Variants in SPTLC1 observed in about 807,000 individuals in gnomAD.
SPTLC1 encodes serine palmitoyltransferase long chain base subunit 1.
SPTLC1 carries 55 observed loss-of-function variants against 68.9 expected under a neutral mutation model. The ratio of observed to expected loss-of-function variants is 0.80; its 90% CI spans 0.64 to 1.00. The LOEUF is 1.00. Among genes scored for constraint, SPTLC1 ranks in the 50% least tolerant of loss-of-function variants. SPTLC1 has a pLI of 0.00. For synonymous variants in SPTLC1, 197 were observed against 201.6 expected (o/e 0.98, Z 0.19); for missense variants, 449 against 573.1 (o/e 0.78, Z 2.21).
chr9:92,047,724 G>T lies in SPTLC1; in HGVS notation c.889-16C>A. 7.0e-6 allele frequency: 11 copies of T among 1,573,444 alleles called. No individual in the cohort carries two copies. Among genetic ancestry groups the T allele is most frequent in the Non-Finnish European group, 9.6e-6 (11 of 1,144,258 alleles). On this transcript the variant is annotated splice_polypyrimidine_tract_variant and intron_variant, in intron 9 of 14. Transcript: ENST00000262554. ...TATCATCAATCTGCCGGAAAAGGAG[G>T]AGTGACAGTTATTCCACAGTTTAAA...
intron 7 of SPTLC1, among the ~76,000 whole-genome samples, chr9:92,056,883 G>A (rs1833910704): frequency 2.6e-5 from 4 of 152,156 alleles, no homozygotes; most frequent in Admixed American, 2.6e-4. Flanking sequence ...GAAAGCTGGG[G>A]AGCTAGCAAT....
chr9:92,046,080 T>A, intron 11 of SPTLC1, 27 bp from the exon 12 acceptor site: 1 of 1,594,304 alleles, frequency 6.3e-7, no homozygotes, highest in Non-Finnish European at 8.6e-7. Context: ...CGTTTGAGAG[T>A]CTATTTGAAA....
chr9:92,080,056 G>A lies in SPTLC1; in HGVS notation c.387C>T (p.Gly129=), dbSNP rs141265918. Residue 129 remains glycine (G), a synonymous_variant, in exon 5 of 15, where the codon GGC becomes GGT. Transcript: ENST00000262554. ...ATCCTCTGGGTCCACAAGTCCCCAC[G>A]CCATACTTCTTTAGAGATGCTAAAG... ...AAALASLKKY[G]VGTCGPRGFY... is the part of the protein sequence containing the mutation. The A allele has an allele frequency of 6.2e-4, 998 of 1,613,916 alleles. 7 individuals are homozygous for A. The South Asian group carries it at 8.0e-3, about 13-fold the overall frequency.
Position 92,047,712 on chromosome 9 carries a change from C to T in SPTLC1, c.889-4G>A. 4.4e-6 allele frequency: 7 copies of T among 1,603,210 alleles called. No homozygotes were observed. Among genetic ancestry groups the T allele is most frequent in the Non-Finnish European group, 6.0e-6 (7 of 1,171,292 alleles). ...TGATAAGATCAATATCATCAATCTG[C>T]CGGAAAAGGAGGAGTGACAGTTATT... On this transcript the variant is annotated splice_polypyrimidine_tract_variant and splice_region_variant and intron_variant, in intron 9 of 14. Transcript: ENST00000262554.
At chr9:92,094,797 C>G (rs1835474122) in intron 3 of SPTLC1, among the ~76,000 whole-genome samples, 1 of 152,178 alleles carries the variant, frequency 6.6e-6, no homozygotes, top group African/African-American at 2.4e-5. Context: ...CAGGTCTGGC[C>G]ATTTCTCCGG....
intron 8 of SPTLC1, chr9:92,051,325 T>A (rs953775390): frequency 1.1e-6 from 1 of 917,132 alleles, no homozygotes; most frequent in Non-Finnish European, 1.3e-6. Context: ...CATGGAAAAA[T>A]CAAATATGTA....
Position 92,105,317 on chromosome 9 carries a change from G to A in SPTLC1, c.260+3423C>T, listed in dbSNP as rs1302252618. 7.8e-6 allele frequency: 12 copies of A among 1,529,592 alleles called. No individual in the cohort carries two copies. The Admixed American group carries it at 1.2e-4, about 15-fold the overall frequency. The allele number at this position is 1,529,592 out of a possible 1,614,324, so 94.8% of individuals were successfully genotyped here. On this transcript the variant is annotated intron_variant, in intron 3 of 14. Coordinates refer to ENST00000262554, the MANE Select transcript of SPTLC1 (RefSeq NM_006415.4). ...GGTGGGTCAGGCTTCCCAAAGAGAA[G>A]GACGCCTCCAGCAGGGCAACATGCG...
intron 5 of SPTLC1, among the ~76,000 whole-genome samples, chr9:92,072,653 G>A (rs572376679): frequency 1.4e-3 from 220 of 152,120 alleles, no homozygotes; most frequent in African/African-American, 4.9e-3. Flanking sequence ...AAGCCTAAAC[G>A]TCTAATTTTT....
In SPTLC1 at chr9:92,049,989, G is replaced by A. The variant is rs779016234; in HGVS notation, c.859C>T (p.Arg287Ter). Residue 287 changes from arginine to a stop codon, truncating the protein, a stop_gained, in exon 9 of 15, where the codon CGA (arginine) becomes TGA (stop). Coordinates refer to ENST00000262554, the MANE Select transcript of SPTLC1 (RefSeq NM_006415.4). LOFTEE classifies it high-confidence loss of function. ...LSFGVLGEHG[R>*]GVTEHYGINI... Reference sequence around the variant, plus strand: ...ATTCCATAGTGTTCAGTGACTCCTCGGCCATGCTCTCCTAGGACTCCAAAT... The same window carrying A: ...ATTCCATAGTGTTCAGTGACTCCTCAGCCATGCTCTCCTAGGACTCCAAAT... 8.7e-6 allele frequency: 14 copies of A among 1,613,352 alleles called. No individual in the cohort carries two copies. Among genetic ancestry groups the A allele is most frequent in the East Asian group, 2.2e-5 (1 of 44,862 alleles).
At chr9:92,068,621 A>G (rs1216085860) in intron 5 of SPTLC1, among the ~76,000 whole-genome samples, 1 of 152,196 alleles carries the variant, frequency 6.6e-6, no homozygotes, top group Non-Finnish European at 1.5e-5. Flanking sequence ...TTCTGTCTGA[A>G]TTTCTTGTAA....
At chr9:92,061,771 G>A (rs2118555278) in intron 6 of SPTLC1, among the ~76,000 whole-genome samples, 2 of 152,212 alleles carry the variant, frequency 1.3e-5, no homozygotes, top group South Asian at 4.1e-4. Context: ...ACTTGAATTG[G>A]TACAATGACA....
At chr9:92,052,594 A>C (rs1833742660) in intron 8 of SPTLC1, among the ~76,000 whole-genome samples, 1 of 151,338 alleles carries the variant, frequency 6.6e-6, no homozygotes, top group Non-Finnish European at 1.5e-5. Flanking sequence ...CACTGGCGTG[A>C]TCTCGGCTCA....
At chr9:92,050,996 T>C (rs754036957) in intron 8 of SPTLC1, 7 of 984,426 alleles carry the variant, frequency 7.1e-6, no homozygotes, top group Non-Finnish European at 8.4e-6. Flanking sequence ...TATCTACACT[T>C]GAGCTGTTCC....
intron 7 of SPTLC1, among the ~76,000 whole-genome samples, chr9:92,058,612 G>C (rs1191141884): frequency 6.6e-6 from 1 of 152,112 alleles, no homozygotes; most frequent in Non-Finnish European, 1.5e-5. Context: ...TTAGGTTCTC[G>C]AGAGGAAACA....
At chr9:92,046,389 G>T in intron 11 of SPTLC1, 3 of 232,386 alleles carry the variant, frequency 1.3e-5, no homozygotes, top group Non-Finnish European at 8.4e-6. Context: ...AAACAATTTG[G>T]TAAAAAATCA....
Position 92,052,528 on chromosome 9 carries a change from A to G in SPTLC1, c.781-2461T>C, listed in dbSNP as rs1269154037. Among the ~76,000 whole-genome samples, 3 of 151,592 alleles carry G rather than the reference A, an allele frequency of 2.0e-5. No homozygotes were observed. The East Asian group carries it at 5.8e-4, about 29-fold the overall frequency. ...AATTTTGGATTAAACAAAGATTATT[A>G]TTATTATTTTTTTTTTTTTGAGACA... On this transcript the variant is annotated intron_variant, in intron 8 of 14. Transcript: ENST00000262554.
At chr9:92,115,252 G>C in intron 1 of SPTLC1, 62 bp downstream of exon 1, 1 of 1,539,928 alleles carries the variant, frequency 6.5e-7, no homozygotes, top group Non-Finnish European at 9.0e-7. Context: ...AAATCCACAC[G>C]CGTCCTCCCA....
At chr9:92,096,671 T>C (rs911061464) in intron 3 of SPTLC1, among the ~76,000 whole-genome samples, 2 of 152,140 alleles carry the variant, frequency 1.3e-5, no homozygotes, top group South Asian at 2.1e-4. Flanking sequence ...CCTCACACCA[T>C]ATACAAAAAT....
rs952094832 is a variant in SPTLC1 at position 92,045,994 on chromosome 9, C to T, written c.1136+5G>A. 2 of 1,611,326 alleles carry T rather than the reference C, an allele frequency of 1.2e-6. No individual in the cohort carries two copies. The highest frequency in any genetic ancestry group is 1.7e-6 in the Non-Finnish European group (2 of 1,178,626). On this transcript the variant is annotated splice_donor_5th_base_variant and intron_variant, in intron 12 of 14. Transcript: ENST00000262554. ...TTATGTTGGTTGAAAATATATAAAA[C>T]TCACCCTTGTAAAGCTTTATGAATT...
Sources: gnomAD v4.1 joint callset for allele counts (sites outside exome capture counted in the v4.1 genomes callset) on GRCh38, gnomAD v4.1.1 for gene constraint, MANE v1.5 for transcripts, NCBI Gene and HGNC (gene_info 2026-07-23, HGNC 2026-07-21) for gene names.